The following GPHN variants were observed in gnomAD, a reference collection of about 807,000 sequenced individuals.
GPHN encodes gephyrin.
Under a neutral mutation model 95.5 loss-of-function variants are expected in GPHN, and 17 were observed. That is an observed-to-expected ratio of 0.18 (90% CI 0.12 to 0.27). The LOEUF (loss-of-function observed/expected upper bound fraction) is 0.27, where lower values mean the gene tolerates loss of function less well. Ranked by LOEUF, GPHN falls within the 10% of genes least tolerant of loss-of-function variation. The probability of loss-of-function intolerance (pLI) is 1.00; values close to 1 mark genes in which losing one functional copy is unlikely to be tolerated. For missense variants in GPHN, 660 were observed against 978.1 expected, an observed-to-expected ratio of 0.67 and a Z score of 4.34; for synonymous variants, 320 against 322.5, an observed-to-expected ratio of 0.99 and a Z score of 0.08.
At chr14:67,638,630 G>A in the GPHN span, among the ~76,000 whole-genome samples, 6 of 152,060 alleles carry the variant, frequency 3.9e-5, no homozygotes, top group Admixed American at 6.6e-5. Flanking sequence ...AGTTGAGTTC[G>A]TTCTTCCTGA....
chr14:66,627,720 G>C (rs1391096425), intron 1 of GPHN, among the ~76,000 whole-genome samples: 1 of 152,064 alleles, frequency 6.6e-6, no homozygotes, highest in African/African-American at 2.4e-5. Context: ...TTAAAGTACT[G>C]ATAATCTGAT....
At chr14:67,479,647 G>A in the GPHN span, among the ~76,000 whole-genome samples, 1 of 152,144 alleles carries the variant, frequency 6.6e-6, no homozygotes, top group Non-Finnish European at 1.5e-5. Flanking sequence ...GAACCTGGGA[G>A]GCGGAGGTTG....
At chr14:67,167,986 G>A (rs1399324991) in intron 20 of GPHN, among the ~76,000 whole-genome samples, 8 of 152,152 alleles carry the variant, frequency 5.3e-5, no homozygotes, top group Admixed American at 5.2e-4. Flanking sequence ...GTGATATAGT[G>A]GAATTCCTCA....
the GPHN span, among the ~76,000 whole-genome samples, chr14:67,372,464 T>C: frequency 6.6e-6 from 1 of 152,222 alleles, no homozygotes; most frequent in South Asian, 2.1e-4. Context: ...AGAACTTATG[T>C]TCTTTAAAGA....
At position 66,973,531 on chromosome 14, in the gene GPHN, G is replaced by A. The variant is rs151170045; in HGVS notation, c.963+8206G>A. ...TCCAGCACTTTGGAACGCCAAGGCG[G>A]GTGGATCACCTGATGTCAGGATTTA... On this transcript the variant is annotated intron_variant, in intron 9 of 22. Transcript: ENST00000478722. 4.7e-4 allele frequency among the ~76,000 whole-genome samples: 71 copies of A among 152,302 alleles called. No individual in the cohort carries two copies. The East Asian group carries it at 5.0e-3, about 11-fold the overall frequency.
At chr14:66,931,177 C>G (rs1596408198) in intron 8 of GPHN, among the ~76,000 whole-genome samples, 1 of 152,250 alleles carries the variant, frequency 6.6e-6, no homozygotes, top group African/African-American at 2.4e-5. Context: ...TTGCCATTCT[C>G]TCCCAGCCTG....
the GPHN span, among the ~76,000 whole-genome samples, chr14:67,309,638 C>G: frequency 6.6e-6 from 1 of 152,110 alleles, no homozygotes; most frequent in Admixed American, 6.6e-5. Flanking sequence ...TTTTGTTGGC[C>G]TATGGCAATG....
chr14:67,375,875 G>A, the GPHN span, among the ~76,000 whole-genome samples: 4 of 152,136 alleles, frequency 2.6e-5, no homozygotes, highest in African/African-American at 4.8e-5. Flanking sequence ...TTGTTAAAAT[G>A]AGTGTGTTAA....
At chr14:66,961,900 G>GTATGTA (rs2068929443) in intron 8 of GPHN, among the ~76,000 whole-genome samples, 11 of 53,006 alleles carry the variant, frequency 2.1e-4, no homozygotes, top group East Asian at 4.4e-4. Context: ...CCCTGAATGT[G>GTATGTA]TATATATATA....
At chr14:67,457,630 G>T in the GPHN span, among the ~76,000 whole-genome samples, 3 of 152,142 alleles carry the variant, frequency 2.0e-5, no homozygotes, top group Non-Finnish European at 4.4e-5. Flanking sequence ...ACAAACAAAT[G>T]CCTAAAGAAG....
the GPHN span, chr14:67,397,619 C>A: frequency 6.5e-7 from 1 of 1,541,988 alleles, no homozygotes; most frequent in East Asian, 2.3e-5. Flanking sequence ...GGTGGGAAGG[C>A]TGTGGAACAG....
intron 1 of GPHN, among the ~76,000 whole-genome samples, chr14:66,535,481 T>C (rs895356540): frequency 6.6e-6 from 1 of 152,120 alleles, no homozygotes; most frequent in African/African-American, 2.4e-5. Context: ...ACATTTAGAA[T>C]CATATTTCAG....
chr14:66,949,640 C>G (rs928123775), intron 8 of GPHN, among the ~76,000 whole-genome samples: 2 of 152,126 alleles, frequency 1.3e-5, no homozygotes, highest in African/African-American at 4.8e-5. Context: ...GAGACTCACT[C>G]TGATTATTGT....
intron 2 of GPHN, among the ~76,000 whole-genome samples, chr14:66,739,125 G>C (rs1268440405): frequency 6.6e-6 from 1 of 151,184 alleles, no homozygotes; most frequent in Non-Finnish European, 1.5e-5. Flanking sequence ...AAGTATCTGA[G>C]AAATTATAAC....
chr14:66,876,691 C>T (rs2063680510), intron 4 of GPHN, among the ~76,000 whole-genome samples: 1 of 151,998 alleles, frequency 6.6e-6, no homozygotes. Flanking sequence ...CAAGACTAAA[C>T]CAGGAAGAAG....
the GPHN span, among the ~76,000 whole-genome samples, chr14:67,655,301 T>G: frequency 6.6e-6 from 1 of 152,138 alleles, no homozygotes; most frequent in African/African-American, 2.4e-5. Flanking sequence ...CACTCCAGCC[T>G]GGGTGACAGA....
chr14:67,491,269 C>G, the GPHN span, among the ~76,000 whole-genome samples: 1,459 of 152,266 alleles, frequency 9.6e-3, 23 homozygotes, highest in African/African-American at 0.032. Context: ...CCACCAGCAC[C>G]GCCACATGTT....
intron 17 of GPHN, among the ~76,000 whole-genome samples, chr14:67,128,588 A>G (rs1184242725): frequency 6.6e-6 from 1 of 152,188 alleles, no homozygotes; most frequent in Non-Finnish European, 1.5e-5. Flanking sequence ...TATACACCCA[A>G]GTGTTATTTC....
chr14:67,139,622 G>A (rs1486970612), intron 17 of GPHN, among the ~76,000 whole-genome samples: 5 of 152,126 alleles, frequency 3.3e-5, no homozygotes, highest in Non-Finnish European at 7.3e-5. Flanking sequence ...CTTAAAATGA[G>A]CATAGTAATA....
Sources: allele counts gnomAD v4.1 joint callset (sites outside exome capture counted in the v4.1 genomes callset), GRCh38; gene constraint gnomAD v4.1.1; transcripts MANE v1.5; gene names NCBI Gene and HGNC (gene_info 2026-07-23, HGNC 2026-07-21).